The following TTC24 variants were observed in gnomAD, a reference collection of about 807,000 sequenced individuals.
TTC24 encodes tetratricopeptide repeat domain 24, also known as tetratricopeptide repeat protein 24.
TTC24 carries 54 observed loss-of-function variants against 63.3 expected under a neutral mutation model. The ratio of observed to expected loss-of-function variants is 0.85; its 90% confidence interval spans 0.69 to 1.07. TTC24 has a LOEUF of 1.07. TTC24 is among the 50% of genes least tolerant of loss of function. The pLI, the probability that TTC24 is intolerant of heterozygous loss-of-function variation, is 0.00. For missense variants in TTC24, 680 were observed against 730.5 expected (o/e 0.93, Z 0.80); for synonymous variants, 276 against 304.3 (o/e 0.91, Z 0.97).
At position 156,583,364 on chromosome 1, in the gene TTC24, T is replaced by A; in HGVS notation, c.1066T>A (p.Cys356Ser). The A allele has an allele frequency of 6.2e-7, 1 of 1,612,552 alleles. No homozygotes were observed. The highest frequency in any genetic ancestry group is 8.5e-7 in the Non-Finnish European group (1 of 1,179,368). The stretch of plus-strand genomic sequence containing the variant: ...GGACATGAAGGGACAGTGGCAGGCC[T>A]GTGAGGGTCTGGGGGCTGCTGCAGC... Reference protein sequence around the residue: ...SGDMKGQWQACEGLGAAAARL... With the variant: ...SGDMKGQWQASEGLGAAAARL... Residue 356 changes from cysteine (C) to serine (S), a missense_variant, in exon 5 of 11, where the codon TGT (cysteine) becomes AGT (serine). Coordinates refer to ENST00000368236, the MANE Select transcript of TTC24 (RefSeq NM_001105669.4). The surrounding 1 kb of genome is among the most constrained non-coding windows in gnomAD (Gnocchi z 4.0).
At chr1:156,585,680 G>A (rs763009948) in intron 8 of TTC24, 33 bp from the exon 9 acceptor site, 1 of 1,494,038 alleles carries the variant, frequency 6.7e-7, no homozygotes, top group South Asian at 1.1e-5. Flanking sequence ...TACTTGTTGA[G>A]CTGACCTGAA....
chr1:156,583,984 G>C lies in TTC24; in HGVS notation c.1251+89G>C. The C allele has an allele frequency of 1.8e-6, 2 of 1,108,692 alleles. No individual in the cohort carries two copies. Among genetic ancestry groups the C allele is most frequent in the Non-Finnish European group, 2.7e-6 (2 of 750,408 alleles). The allele number at this position is 1,108,692 out of a possible 1,614,324, so 68.7% of individuals were successfully genotyped here. On this transcript the variant is annotated intron_variant, in intron 6 of 10. Coordinates refer to ENST00000368236, the MANE Select transcript of TTC24 (RefSeq NM_001105669.4). The surrounding 1 kb of genome is among the most constrained non-coding windows in gnomAD (Gnocchi z 4.0). ...GGTAAGCAGAGACGCTGTTCCCTGG[G>C]ATGCTGCGCGCTTGGCCGCTCATCT...
rs992225320 is a variant in TTC24 at position 156,583,789 on chromosome 1, C to A, written c.1153-8C>A. On this transcript the variant is annotated splice_polypyrimidine_tract_variant and splice_region_variant and intron_variant, in intron 5 of 10. Transcript: ENST00000368236. This position sits in a 1 kb window ranked among gnomAD's most constrained non-coding sequence, Gnocchi z 4.0. ...TCCCCATTACCCTATTATCCACCCT[C>A]TTCCCAGAAGGAGCCAGATTCTGTG... 1.9e-6 allele frequency: 3 copies of A among 1,574,788 alleles called. No homozygotes were observed. Among genetic ancestry groups the A allele is most frequent in the Admixed American group, 1.9e-5 (1 of 54,010 alleles).
At chr1:156,584,555 T>G in intron 6 of TTC24, 17 of 282,592 alleles carry the variant, frequency 6.0e-5, no homozygotes, top group East Asian at 1.2e-4. Flanking sequence ...AGGCAGAGGA[T>G]TGGATTGAGG....
chr1:156,583,585 T>C lies in TTC24; in HGVS notation c.1152+135T>C. 1 of 886,836 alleles carries C rather than the reference T, an allele frequency of 1.1e-6. No individual in the cohort carries two copies. Among genetic ancestry groups the C allele is most frequent in the South Asian group, 1.7e-5 (1 of 59,498 alleles). The allele number at this position is 886,836 out of a possible 1,614,324, so 54.9% of individuals were successfully genotyped here. A position where few individuals can be genotyped will look rare whatever the true frequency, so the allele number is the denominator to read the frequency against. ...TGCACTGGACACACTGTGTGCTAGGTCTTGGGATACTATTGTGAGGAAGAG... is the reference window on the plus strand; with the variant it reads ...TGCACTGGACACACTGTGTGCTAGGCCTTGGGATACTATTGTGAGGAAGAG... On this transcript the variant is annotated intron_variant, in intron 5 of 10. Transcript: ENST00000368236. This position sits in a 1 kb window ranked among gnomAD's most constrained non-coding sequence, Gnocchi z 4.0.
Position 156,584,984 on chromosome 1 carries a change from G to A in TTC24, c.1349+10G>A. 6.3e-7 allele frequency: 1 copy of A among 1,584,694 alleles called. No homozygotes were observed. The highest frequency in any genetic ancestry group is 8.6e-7 in the Non-Finnish European group (1 of 1,165,386). On this transcript the variant is annotated intron_variant, in intron 7 of 10. Coordinates refer to ENST00000368236, the MANE Select transcript of TTC24 (RefSeq NM_001105669.4). ...CAGGTGTCCAGCACAGGTGAGGGTG[G>A]GAATGGTGCAGCAGAGATGCATGCG... is the stretch of plus-strand genomic sequence containing the variant.
Position 156,583,916 on chromosome 1 carries a change from A to G in TTC24, c.1251+21A>G. 2.2e-5 allele frequency: 35 copies of G among 1,555,886 alleles called. No homozygotes were observed. Among genetic ancestry groups the G allele is most frequent in the Non-Finnish European group, 3.0e-5 (34 of 1,147,028 alleles). On this transcript the variant is annotated intron_variant, in intron 6 of 10. Transcript: ENST00000368236. The surrounding 1 kb of genome is among the most constrained non-coding windows in gnomAD (Gnocchi z 4.0). ...CCCTGGTGAGATGACACCTGAGACA[A>G]GGAGATGGGGGTGGAGAGAGGTTAC...
At chr1:156,584,370 C>T (rs1353893146) in intron 6 of TTC24, among the ~76,000 whole-genome samples, 3 of 152,146 alleles carry the variant, frequency 2.0e-5, no homozygotes, top group Admixed American at 6.5e-5. Flanking sequence ...GCTCTCCAAC[C>T]GCCTCCTCCT....
Position 156,585,771 on chromosome 1 carries a change from G to A in TTC24, c.1515G>A (p.Thr505=), listed in dbSNP as rs370157776. 176 of 1,613,794 alleles carry A rather than the reference G, an allele frequency of 1.1e-4. 3 individuals carry two copies. In the South Asian group the frequency reaches 1.5e-3, roughly 14 times the overall value. ...ACCATCTAGCTTCTAGTTGCCCCAC[G>A]TTTACCAAGCACACGCCCTGCAGAG... ...HSHHLASSCP[T]FTKHTPCRGT... is the part of the protein sequence containing the mutation. Residue 505 remains threonine, a synonymous_variant, in exon 9 of 11, where the codon ACG becomes ACA. Transcript: ENST00000368236.
In TTC24 at chr1:156,581,914, T is replaced by C. The variant is rs989943520; in HGVS notation, c.550T>C (p.Tyr184His). 1 of 1,547,984 alleles carries C rather than the reference T, an allele frequency of 6.5e-7. No individual in the cohort carries two copies. The highest frequency in any genetic ancestry group is 8.7e-7 in the Non-Finnish European group (1 of 1,145,420). Residue 184 changes from tyrosine to histidine, a missense_variant, in exon 2 of 11, where the codon TAT becomes CAT. By Grantham distance (83) the Tyr-to-His change is moderately conservative (BLOSUM62 2). Transcript: ENST00000368236. ...AHCLQEASQA[Y>H]AQERQLRAAA... ...CTGCCTGCAGGAAGCAAGCCAGGCC[T>C]ATGCTCAAGAGAGACAGCTGCGGGC...
chr1:156,585,042 G>C (rs1677114888), intron 7 of TTC24, 68 bp downstream of exon 7: 1 of 1,543,176 alleles, frequency 6.5e-7, no homozygotes, highest in Non-Finnish European at 8.8e-7. Context: ...TGTCGCAGTG[G>C]GGTAGGACCC....
Position 156,583,767 on chromosome 1 carries a change from C to CTA in TTC24, c.1153-30_1153-29insTA. The CTA allele has an allele frequency of 6.5e-7, 1 of 1,544,724 alleles. No individual in the cohort carries two copies. The highest frequency in any genetic ancestry group is 1.2e-5 in the South Asian group (1 of 84,028). ...GAGGACCATAAGGTCCAGGCATTCC[C>CTA]CATTACCCTATTATCCACCCTCTTC... On this transcript the variant is annotated intron_variant, in intron 5 of 10. Transcript: ENST00000368236. The surrounding 1 kb of genome is among the most constrained non-coding windows in gnomAD (Gnocchi z 4.0).
Position 156,585,289 on chromosome 1 carries a change from C to T in TTC24, c.1456+58C>T, listed in dbSNP as rs75597564. On this transcript the variant is annotated intron_variant, in intron 8 of 10. Coordinates refer to ENST00000368236, the MANE Select transcript of TTC24 (RefSeq NM_001105669.4). Reference sequence around the variant, plus strand: ...TCTCCTTACTGCAAATATGGCACTCCCACCCCCACCCGCCTGCCTCCGCTT... The same window carrying T: ...TCTCCTTACTGCAAATATGGCACTCTCACCCCCACCCGCCTGCCTCCGCTT... The T allele has an allele frequency of 1.6e-4, 215 of 1,358,620 alleles. 1 individual carries two copies. The East Asian group carries it at 4.8e-3, about 30-fold the overall frequency. 84.2% of individuals were successfully genotyped at this position (1,358,620 alleles called of 1,614,324 possible).
Position 156,583,591 on chromosome 1 carries a change from G to A in TTC24, c.1152+141G>A. Reference sequence around the variant, plus strand: ...GGACACACTGTGTGCTAGGTCTTGGGATACTATTGTGAGGAAGAGTTCATC... The same window carrying A: ...GGACACACTGTGTGCTAGGTCTTGGAATACTATTGTGAGGAAGAGTTCATC... On this transcript the variant is annotated intron_variant, in intron 5 of 10. Transcript: ENST00000368236. This position sits in a 1 kb window ranked among gnomAD's most constrained non-coding sequence, Gnocchi z 4.0. The A allele has an allele frequency of 4.5e-6, 4 of 887,730 alleles. No individual in the cohort carries two copies. The highest frequency in any genetic ancestry group is 6.9e-6 in the Non-Finnish European group (4 of 576,692). The allele number at this position is 887,730 out of a possible 1,614,324, so 55.0% of individuals were successfully genotyped here. A position where few individuals can be genotyped will look rare whatever the true frequency, so the allele number is the denominator to read the frequency against.
Position 156,583,693 on chromosome 1 carries a change from A to C in TTC24, c.1153-104A>C. The C allele has an allele frequency of 9.7e-7, 1 of 1,029,308 alleles. No homozygotes were observed. The highest frequency in any genetic ancestry group is 1.5e-6 in the Non-Finnish European group (1 of 683,358). The allele number at this position is 1,029,308 out of a possible 1,614,324, so 63.8% of individuals were successfully genotyped here. ...GATGGGGTAGAAGAGAGGGGAAACA[A>C]AGCCCCCCTCCCCCCTCCCTTTCCT... is the stretch of plus-strand genomic sequence containing the variant. On this transcript the variant is annotated intron_variant, in intron 5 of 10. Coordinates refer to ENST00000368236, the MANE Select transcript of TTC24 (RefSeq NM_001105669.4). This position sits in a 1 kb window ranked among gnomAD's most constrained non-coding sequence, Gnocchi z 4.0.
chr1:156,581,471 T>C lies in TTC24; in HGVS notation c.107T>C (p.Ile36Thr), dbSNP rs1436925756. 3 of 1,551,172 alleles carry C rather than the reference T, an allele frequency of 1.9e-6. No individual in the cohort carries two copies. Among genetic ancestry groups the C allele is most frequent in the Non-Finnish European group, 2.6e-6 (3 of 1,146,752 alleles). Residue 36 changes from isoleucine to threonine, a missense_variant, in exon 2 of 11, where the codon ATC (isoleucine) becomes ACC (threonine). By Grantham distance (89) the Ile-to-Thr change is moderately conservative. Transcript: ENST00000368236. ...KRKWLRQEAS[I>T]QALTRAGHGA... is the part of the protein sequence containing the mutation. ...AAGTGGCTGCGGCAAGAAGCCAGCA[T>C]CCAAGCCCTCACCAGGGCTGGCCAT... is the stretch of plus-strand genomic sequence containing the variant.
In TTC24 at chr1:156,585,249, A is replaced by G. The variant is rs566481977; in HGVS notation, c.1456+18A>G. ...ACCAGAGCGTGAGTTGATGTAGAGT[A>G]TTCCTGGCGGTGCCTCTCCTTACTG... On this transcript the variant is annotated intron_variant, in intron 8 of 10. Coordinates refer to ENST00000368236, the MANE Select transcript of TTC24 (RefSeq NM_001105669.4). 3.8e-6 allele frequency: 6 copies of G among 1,584,648 alleles called. No individual in the cohort carries two copies. The highest frequency in any genetic ancestry group is 3.4e-5 in the South Asian group (3 of 88,462).
rs1286908205 is a variant in TTC24, at chr1:156,582,032, G to A, written c.668G>A (p.Arg223Gln). ...GTTGTGCAGGTGCTGGAGAAAAGCC[G>A]GAGGCTTGCCGAGAGGAGCACTGAG... ...GEVVQVLEKS[R>Q]RLAERSTERR... The change falls in exon 2 of 11, where the codon CGG becomes CAG. Residue 223 changes from arginine to glutamine, a missense_variant. Arg to Gln is a conservative substitution (Grantham distance 43). Transcript: ENST00000368236. 73 of 1,480,116 alleles carry A rather than the reference G, an allele frequency of 4.9e-5. No individual in the cohort carries two copies. Among genetic ancestry groups the A allele is most frequent in the Non-Finnish European group, 5.8e-5 (65 of 1,116,282 alleles). The allele number at this position is 1,480,116 out of a possible 1,614,324, so 91.7% of individuals were successfully genotyped here. A position where few individuals can be genotyped will look rare whatever the true frequency, so the allele number is the denominator to read the frequency against.
In TTC24 at chr1:156,581,782, T is replaced by C. The variant is rs1677004137; in HGVS notation, c.418T>C (p.Tyr140His). 3.2e-6 allele frequency: 5 copies of C among 1,551,458 alleles called. No homozygotes were observed. Among genetic ancestry groups the C allele is most frequent in the Non-Finnish European group, 4.4e-6 (5 of 1,146,986 alleles). Residue 140 changes from tyrosine (Y) to histidine (H), a missense_variant, in exon 2 of 11, where the codon TAC becomes CAC. By Grantham distance (83) the Tyr-to-His change is moderately conservative. Transcript: ENST00000368236. Reference sequence around the variant, plus strand: ...CGAGCTGCCTCAAGCTTTGGCCTGGTACCACAGGGCCCTGGGCCACTACCA... The same window carrying C: ...CGAGCTGCCTCAAGCTTTGGCCTGGCACCACAGGGCCCTGGGCCACTACCA... Reference protein sequence around the residue: ...LGELPQALAWYHRALGHYQPQ... With the variant: ...LGELPQALAWHHRALGHYQPQ...
Sources: gnomAD v4.1 joint callset for allele counts (sites outside exome capture counted in the v4.1 genomes callset) on GRCh38, gnomAD v4.1.1 for gene constraint, Gnocchi (gnomAD v3.1) non-coding constraint, MANE v1.5 for transcripts, NCBI Gene and HGNC (gene_info 2026-07-23, HGNC 2026-07-21) for gene names.